MBD5: variants seen among roughly 807,000 people sequenced by gnomAD.
MBD5 encodes the protein methyl-CpG-binding domain protein 5.
Under a neutral mutation model 117.3 loss-of-function variants are expected in MBD5, and 13 were observed. The observed-to-expected ratio is 0.11, with a 90% CI of 0.07 to 0.18. MBD5 has a LOEUF of 0.18. Ranked by LOEUF, MBD5 falls within the 10% of genes least tolerant of loss-of-function variation. MBD5 has a pLI of 1.00. For missense variants in MBD5, 1,879 were observed against 2,093.8 expected, an observed-to-expected ratio of 0.90 and a Z score of 2.00; for synonymous variants, 727 against 766.4, an observed-to-expected ratio of 0.95 and a Z score of 0.85.
intron 12 of MBD5, among the ~76,000 whole-genome samples, chr2:148,503,789 A>G (rs1186241147): frequency 6.6e-6 from 1 of 152,218 alleles, no homozygotes; most frequent in Non-Finnish European, 1.5e-5. Flanking sequence ...GAGCTTAGCA[A>G]CAAGATAAGG....
intron 2 of MBD5, among the ~76,000 whole-genome samples, chr2:148,208,968 C>T (rs1466265012): frequency 4.0e-5 from 6 of 151,884 alleles, no homozygotes; most frequent in Non-Finnish European, 5.9e-5. Context: ...GATTAAACAC[C>T]GTTATATGTG....
chr2:148,386,165 A>T (rs2105483020), intron 4 of MBD5, among the ~76,000 whole-genome samples: 1 of 152,294 alleles, frequency 6.6e-6, no homozygotes, highest in African/African-American at 2.4e-5. Context: ...TAGATTTTCA[A>T]TTTATTAAGT....
At chr2:148,209,332 AGGGCAGATCCCTCATGAT>A (rs1161893996) in intron 2 of MBD5, among the ~76,000 whole-genome samples, 21 of 152,050 alleles carry the variant, frequency 1.4e-4, no homozygotes, top group Admixed American at 1.4e-3. Context: ...TTAGATCATG[AGGGCAGATCCCTCATGAT>A]GGGATTAGTG....
At chr2:148,290,732 A>G (rs967757594) in intron 3 of MBD5, among the ~76,000 whole-genome samples, 3 of 152,178 alleles carry the variant, frequency 2.0e-5, no homozygotes, top group Non-Finnish European at 4.4e-5. Flanking sequence ...TCAGTTACGA[A>G]TATACCACAT....
chr2:148,214,541 A>G (rs996723354), intron 2 of MBD5, among the ~76,000 whole-genome samples: 4 of 152,098 alleles, frequency 2.6e-5, no homozygotes, highest in Non-Finnish European at 4.4e-5. Context: ...TCATTCTTAA[A>G]TTTCCCCAGT....
At position 148,458,308 on chromosome 2, in the gene MBD5, A is replaced by T. The variant is rs1706947149; in HGVS notation, c.-451A>T. The T allele has an allele frequency of 4.9e-6, 2 of 411,064 alleles. No homozygotes were observed. Among genetic ancestry groups the T allele is most frequent in the African/African-American group, 4.1e-5 (2 of 48,806 alleles). 25.5% of individuals were successfully genotyped at this position (411,064 alleles called of 1,614,324 possible). On this transcript the variant is annotated 5_prime_UTR_variant, in exon 5 of 14. Transcript: ENST00000642680. Reference sequence around the variant, plus strand: ...AGAGAAAGTTTAAAGAATGTGGCCTATAAAGGCGGGTACCTGGAAATATTA... The same window carrying T: ...AGAGAAAGTTTAAAGAATGTGGCCTTTAAAGGCGGGTACCTGGAAATATTA...
chr2:148,117,557 T>G (rs978573976), intron 1 of MBD5, among the ~76,000 whole-genome samples: 1 of 152,148 alleles, frequency 6.6e-6, no homozygotes, highest in Admixed American at 6.5e-5. Context: ...ACCTATATAT[T>G]TTTTTAAGCC....
Position 148,328,152 on chromosome 2 carries a change from C to T in MBD5, c.-679-14062C>T, listed in dbSNP as rs576760119. 4.7e-4 allele frequency among the ~76,000 whole-genome samples: 72 copies of T among 152,178 alleles called. No homozygotes were observed. The East Asian group carries it at 0.011, about 24-fold the overall frequency. On this transcript the variant is annotated intron_variant, in intron 3 of 13. Transcript: ENST00000642680. ...GGGGGTGCCTCCTAGTTAGGCTGCT[C>T]GGGGGTCAGGGGTCAGGGACCCACT...
At chr2:148,172,100 G>C (rs1698276453) in intron 1 of MBD5, among the ~76,000 whole-genome samples, 2 of 152,222 alleles carry the variant, frequency 1.3e-5, no homozygotes, top group African/African-American at 2.4e-5. Context: ...GTCCACAATG[G>C]CCTGTCTGGA....
chr2:148,317,369 C>CA (rs916452192), intron 3 of MBD5, among the ~76,000 whole-genome samples: 128 of 141,830 alleles, frequency 9.0e-4, no homozygotes, highest in African/African-American at 2.1e-3. Flanking sequence ...AACTCCGCCT[C>CA]AAAAAAAAAA....
In MBD5 at chr2:148,138,649, T is replaced by A. The variant is rs77547784; in HGVS notation, c.-924-40051T>A. Among the ~76,000 whole-genome samples the A allele has an allele frequency of 4.8e-3, 734 of 152,320 alleles. 4 individuals carry two copies. Among genetic ancestry groups the A allele is most frequent in the Non-Finnish European group, 7.0e-3 (477 of 68,030 alleles). ...ACCTAAGCAAGAGATAGTGTGATTT[T>A]AAACTAGTCAAGGCAGTGAGAATGC... On this transcript the variant is annotated intron_variant, in intron 1 of 13. Transcript: ENST00000642680.
intron 3 of MBD5, among the ~76,000 whole-genome samples, chr2:148,294,196 G>GTTTTTTTTTTT (rs60942822): frequency 3.1e-5 from 4 of 127,174 alleles, no homozygotes; most frequent in African/African-American, 1.2e-4. Flanking sequence ...CCAGAATGAA[G>GTTTTTTTTTTT]TTTTTTTTTT....
At chr2:148,158,303 A>G (rs1697920354) in intron 1 of MBD5, among the ~76,000 whole-genome samples, 1 of 152,240 alleles carries the variant, frequency 6.6e-6, no homozygotes, top group South Asian at 2.1e-4. Flanking sequence ...TTAGACAGTT[A>G]TGCAAAACAA....
intron 3 of MBD5, among the ~76,000 whole-genome samples, chr2:148,249,928 G>A (rs1243171377): frequency 1.3e-5 from 2 of 152,100 alleles, no homozygotes; most frequent in Admixed American, 6.6e-5. Context: ...ACCCTCCACA[G>A]CAAAGTATTA....
intron 1 of MBD5, among the ~76,000 whole-genome samples, chr2:148,070,079 C>T (rs1272678593): frequency 6.6e-6 from 1 of 152,174 alleles, no homozygotes; most frequent in Non-Finnish European, 1.5e-5. Context: ...TTACCAGCCT[C>T]TCTTCATCCT....
chr2:148,180,355 T>TGTATATATGTATATATATAC (rs1439285473), intron 2 of MBD5, among the ~76,000 whole-genome samples: 1 of 118,316 alleles, frequency 8.5e-6, no homozygotes, highest in African/African-American at 2.8e-5. Context: ...TATATATATA[T>TGTATATATGTATATATATAC]ATATATGTAT....
At chr2:148,106,776 A>C (rs1383849349) in intron 1 of MBD5, among the ~76,000 whole-genome samples, 1 of 152,032 alleles carries the variant, frequency 6.6e-6, no homozygotes, top group Non-Finnish European at 1.5e-5. Context: ...TACTTTTACT[A>C]TCTAACCAAA....
At chr2:148,387,455 T>G (rs1245055316) in intron 4 of MBD5, among the ~76,000 whole-genome samples, 1 of 152,132 alleles carries the variant, frequency 6.6e-6, no homozygotes, top group Non-Finnish European at 1.5e-5. Context: ...TTCTTCCCAA[T>G]GAAGTACTAG....
chr2:148,179,151 C>A (rs1419273545), intron 2 of MBD5, among the ~76,000 whole-genome samples: 1 of 151,966 alleles, frequency 6.6e-6, no homozygotes, highest in East Asian at 1.9e-4. Context: ...TCAGGAGATC[C>A]AGACCATCCT....
Sources: gnomAD v4.1 joint callset for allele counts (sites outside exome capture counted in the v4.1 genomes callset) on GRCh38, gnomAD v4.1.1 for gene constraint, MANE v1.5 for transcripts, NCBI Gene and HGNC (gene_info 2026-07-23, HGNC 2026-07-21) for gene names.